Variants in GALNTL6 observed in about 807,000 individuals in gnomAD.
GALNTL6 encodes polypeptide N-acetylgalactosaminyltransferase like 6, also known as polypeptide N-acetylgalactosaminyltransferase-like 6.
GALNTL6 carries 46 observed loss-of-function variants against 73.7 expected under a neutral mutation model. The observed-to-expected ratio is 0.62, with a 90% confidence interval of 0.49 to 0.80. The LOEUF (loss-of-function observed/expected upper bound fraction) is 0.80. Ranked by LOEUF, GALNTL6 falls within the 30% of genes least tolerant of loss-of-function variation. The pLI is 0.00. For missense variants in GALNTL6, 604 were observed against 755.0 expected, an observed-to-expected ratio of 0.80 and a Z score of 2.34; for synonymous variants, 259 against 263.7, an observed-to-expected ratio of 0.98 and a Z score of 0.17.
chr4:171,919,892 C>A (rs186972414), intron 2 of GALNTL6, among the ~76,000 whole-genome samples: 1 of 152,180 alleles, frequency 6.6e-6, no homozygotes, highest in African/African-American at 2.4e-5. Flanking sequence ...TTTGACCCAG[C>A]AATCCCATTA....
chr4:172,744,850 T>C (rs1346735002), intron 5 of GALNTL6, among the ~76,000 whole-genome samples: 2 of 151,362 alleles, frequency 1.3e-5, no homozygotes, highest in African/African-American at 4.9e-5. Context: ...CGTGTGTGTG[T>C]GTGTGTGTGT....
At chr4:172,844,454 A>G (rs1379566446) in intron 7 of GALNTL6, among the ~76,000 whole-genome samples, 2 of 152,124 alleles carry the variant, frequency 1.3e-5, no homozygotes, top group African/African-American at 2.4e-5. Context: ...TCGAGCACAA[A>G]CTCAAATCTT....
intron 7 of GALNTL6, among the ~76,000 whole-genome samples, chr4:172,825,256 G>A (rs1209848032): frequency 9.2e-5 from 14 of 151,866 alleles, no homozygotes; most frequent in Admixed American, 9.2e-4. Context: ...ATGGAGTCTT[G>A]CGGGAGGGAG....
intron 2 of GALNTL6, among the ~76,000 whole-genome samples, chr4:172,038,563 C>G (rs1742001065): frequency 6.6e-6 from 1 of 152,146 alleles, no homozygotes; most frequent in Non-Finnish European, 1.5e-5. Context: ...TAAATCTTTG[C>G]TGCTAGCTCT....
At chr4:172,945,358 T>TATAC (rs1749114813) in intron 9 of GALNTL6, among the ~76,000 whole-genome samples, 1 of 152,216 alleles carries the variant, frequency 6.6e-6, no homozygotes, top group African/African-American at 2.4e-5. Flanking sequence ...CTTGATAGTG[T>TATAC]TGATGATTCC....
At chr4:171,983,383 A>G (rs960642617) in intron 2 of GALNTL6, among the ~76,000 whole-genome samples, 2 of 152,186 alleles carry the variant, frequency 1.3e-5, no homozygotes, top group Admixed American at 1.3e-4. Flanking sequence ...AACTTTCAGT[A>G]TCCACATAAC....
At chr4:172,063,946 C>T (rs1731284247) in intron 2 of GALNTL6, among the ~76,000 whole-genome samples, 1 of 152,208 alleles carries the variant, frequency 6.6e-6, no homozygotes, top group Non-Finnish European at 1.5e-5. Flanking sequence ...TGAAGCATTA[C>T]ATTGCAAATT....
chr4:172,854,456 G>C (rs1231602205), intron 7 of GALNTL6, among the ~76,000 whole-genome samples: 1 of 152,162 alleles, frequency 6.6e-6, no homozygotes, highest in Non-Finnish European at 1.5e-5. Context: ...CCAGCTGTGT[G>C]AGTTAGAGGG....
intron 7 of GALNTL6, among the ~76,000 whole-genome samples, chr4:172,827,777 T>C (rs777033585): frequency 1.3e-5 from 2 of 152,144 alleles, no homozygotes; most frequent in Non-Finnish European, 2.9e-5. Flanking sequence ...TGAGCTTCCA[T>C]GGGTGGAAAG....
intron 5 of GALNTL6, among the ~76,000 whole-genome samples, chr4:172,784,429 C>T (rs1187406036): frequency 1.3e-5 from 2 of 152,078 alleles, no homozygotes; most frequent in African/African-American, 4.8e-5. Flanking sequence ...TAGCAGTTTC[C>T]TATTGCTTTT....
At chr4:172,433,804 T>C (rs745671776) in intron 5 of GALNTL6, among the ~76,000 whole-genome samples, 2 of 152,106 alleles carry the variant, frequency 1.3e-5, no homozygotes, top group Non-Finnish European at 2.9e-5. Flanking sequence ...TACTTTCTCT[T>C]ACTCAGGAAT....
intron 12 of GALNTL6, among the ~76,000 whole-genome samples, chr4:173,032,406 G>C (rs1048505347): frequency 9.9e-5 from 15 of 151,486 alleles, no homozygotes; most frequent in Non-Finnish European, 2.1e-4. Flanking sequence ...AGCCGAGATC[G>C]TGCCACTGCA....
chr4:172,224,198 A>G (rs1034939842), intron 2 of GALNTL6, among the ~76,000 whole-genome samples: 2 of 152,178 alleles, frequency 1.3e-5, no homozygotes, highest in Non-Finnish European at 2.9e-5. Flanking sequence ...TTTATCATAT[A>G]TAAGATTTAC....
chr4:172,634,388 A>T (rs1174844439), intron 5 of GALNTL6, among the ~76,000 whole-genome samples: 4 of 152,132 alleles, frequency 2.6e-5, no homozygotes, highest in Admixed American at 2.0e-4. Flanking sequence ...TTTCATCTTT[A>T]CCTGAACACC....
chr4:172,822,903 A>G (rs570443683), intron 7 of GALNTL6, among the ~76,000 whole-genome samples: 7 of 151,950 alleles, frequency 4.6e-5, no homozygotes, highest in African/African-American at 1.4e-4. Context: ...TCCCTTCCCT[A>G]CCCTTAAGAT....
intron 2 of GALNTL6, among the ~76,000 whole-genome samples, chr4:172,187,522 G>T (rs1463830584): frequency 6.6e-6 from 1 of 151,960 alleles, no homozygotes; most frequent in Non-Finnish European, 1.5e-5. Flanking sequence ...TATTTCAAAA[G>T]ACTTCATTTT....
intron 5 of GALNTL6, among the ~76,000 whole-genome samples, chr4:172,641,525 T>C (rs1252732157): frequency 6.6e-6 from 1 of 151,958 alleles, no homozygotes; most frequent in Admixed American, 6.6e-5. Context: ...ACTCGATCAT[T>C]CTTCTGGACA....
chr4:172,453,931 A>G (rs186594959), intron 5 of GALNTL6, among the ~76,000 whole-genome samples: 229 of 152,262 alleles, frequency 1.5e-3, no homozygotes, highest in Admixed American at 2.9e-3. Context: ...AATAAATAAG[A>G]CTGTACAACT....
At position 172,467,147 on chromosome 4, in the gene GALNTL6, C is replaced by T. The variant is rs143274179; in HGVS notation, c.553+118458C>T. Among the ~76,000 whole-genome samples the T allele has an allele frequency of 1.9e-3, 292 of 152,190 alleles. 1 individual carries two copies. The highest frequency in any genetic ancestry group is 6.7e-3 in the African/African-American group (280 of 41,504). ...TATTTGTAAGCTAACTAGAAGAAAA[C>T]TTTAGCAATATAAAAGAGAAAAGGC... On this transcript the variant is annotated intron_variant, in intron 5 of 12. Coordinates refer to ENST00000506823, the MANE Select transcript of GALNTL6 (RefSeq NM_001034845.3).
Sources: gnomAD v4.1 joint callset for allele counts (sites outside exome capture counted in the v4.1 genomes callset) on GRCh38, gnomAD v4.1.1 for gene constraint, MANE v1.5 for transcripts, NCBI Gene and HGNC (gene_info 2026-07-23, HGNC 2026-07-21) for gene names.